PTPRM: variants seen among roughly 807,000 people sequenced by gnomAD.
The protein encoded by PTPRM is protein tyrosine phosphatase receptor type M.
A neutral mutation model predicts 186.7 loss-of-function variants in PTPRM; 47 were observed. The observed-to-expected ratio is 0.25, with a 90% CI of 0.20 to 0.32. The LOEUF (loss-of-function observed/expected upper bound fraction) is 0.32. PTPRM is among the 10% of genes least tolerant of loss of function. The probability of loss-of-function intolerance (pLI) is 1.00; values close to 1 mark genes in which losing one functional copy is unlikely to be tolerated. For synonymous variants in PTPRM, 668 were observed against 674.9 expected (o/e 0.99, Z 0.16); for missense variants, 1,494 against 1,865.0 (o/e 0.80, Z 3.66).
In PTPRM at chr18:8,289,551, C is replaced by CATATATATACACATATATATATACAT. The variant is rs2095010731; in HGVS notation, c.2755-6794_2755-6793insCATATATATATACACATATATATATA. 2.7e-4 allele frequency among the ~76,000 whole-genome samples: 21 copies of CATATATATACACATATATATATACAT among 77,716 alleles called. 1 individual carries two copies. The highest frequency in any genetic ancestry group is 9.8e-4 in the African/African-American group (12 of 12,226). The allele number at this position is 77,716 out of a possible 152,430, so 51.0% of individuals were successfully genotyped here. A position where few individuals can be genotyped will look rare whatever the true frequency, so the allele number is the denominator to read the frequency against. On this transcript the variant is annotated intron_variant, in intron 19 of 32. Transcript: ENST00000580170. ...ATATATATACACATATATATATATA[C>CATATATATACACATATATATATACAT]ATATATATACACATATATATATATA...
At chr18:8,287,457 T>G (rs2094969243) in intron 19 of PTPRM, among the ~76,000 whole-genome samples, 1 of 152,110 alleles carries the variant, frequency 6.6e-6, no homozygotes, top group South Asian at 2.1e-4. Context: ...CAGCTTACTC[T>G]GGGACAAGTT....
chr18:8,070,054 T>C, intron 8 of PTPRM, 60 bp downstream of exon 8: 2 of 1,445,708 alleles, frequency 1.4e-6, no homozygotes, highest in Non-Finnish European at 1.9e-6. Flanking sequence ...ACAACTTTTG[T>C]TTCGAGATCT....
At chr18:7,824,672 A>AGGAC (rs2045390771) in intron 2 of PTPRM, among the ~76,000 whole-genome samples, 1 of 152,206 alleles carries the variant, frequency 6.6e-6, no homozygotes, top group Non-Finnish European at 1.5e-5. Flanking sequence ...TACTAAGATT[A>AGGAC]AAAGCTTTGC....
At chr18:7,651,431 C>A (rs2144279239) in intron 1 of PTPRM, among the ~76,000 whole-genome samples, 1 of 152,242 alleles carries the variant, frequency 6.6e-6, no homozygotes, top group Non-Finnish European at 1.5e-5. Flanking sequence ...CAAAAAAGAG[C>A]CCGCATCGCC....
intron 19 of PTPRM, among the ~76,000 whole-genome samples, chr18:8,275,371 T>C (rs1018599618): frequency 1.3e-5 from 2 of 152,036 alleles, no homozygotes; most frequent in Admixed American, 1.3e-4. Flanking sequence ...TGGAGCCCAG[T>C]AGGTTGAGGC....
intron 2 of PTPRM, chr18:7,814,960 T>C (rs2044729574): frequency 6.6e-6 from 1 of 152,256 alleles, no homozygotes; most frequent in Admixed American, 6.5e-5. Flanking sequence ...TGAGTTCCTT[T>C]TTCAGGAAAC....
chr18:8,366,739 G>A (rs547367012), intron 23 of PTPRM: 3 of 152,396 alleles, frequency 2.0e-5, no homozygotes, highest in East Asian at 1.9e-4. Flanking sequence ...TGAGCAGGTG[G>A]CAGGGCTCGG....
chr18:7,773,906 C>A (rs1391726831), intron 1 of PTPRM, among the ~76,000 whole-genome samples: 1 of 152,098 alleles, frequency 6.6e-6, no homozygotes, highest in East Asian at 1.9e-4. Flanking sequence ...TGGCTTCTAC[C>A]AACATTAGAT....
At chr18:8,255,507 T>C (rs987998634) in intron 19 of PTPRM, among the ~76,000 whole-genome samples, 1 of 152,224 alleles carries the variant, frequency 6.6e-6, no homozygotes, top group African/African-American at 2.4e-5. Flanking sequence ...GTTCTCAAAA[T>C]AAAGTGTTGT....
chr18:8,114,255 AC>A (rs2091873577), intron 12 of PTPRM, among the ~76,000 whole-genome samples: 2 of 152,164 alleles, frequency 1.3e-5, no homozygotes, highest in Admixed American at 1.3e-4. Context: ...TGAGACGGAA[AC>A]AAAATAAAAA....
At chr18:8,204,132 T>C (rs905946315) in intron 14 of PTPRM, among the ~76,000 whole-genome samples, 7 of 152,154 alleles carry the variant, frequency 4.6e-5, no homozygotes, top group African/African-American at 1.4e-4. Flanking sequence ...ACTTTAGCTG[T>C]GTAGCTCTCT....
At chr18:7,743,347 ATATTCT>A (rs772115071) in intron 1 of PTPRM, among the ~76,000 whole-genome samples, 30 of 152,222 alleles carry the variant, frequency 2.0e-4, no homozygotes, top group African/African-American at 6.3e-4. Flanking sequence ...ATGAAAGTTA[ATATTCT>A]TATACTTATT....
At chr18:7,623,018 T>C (rs1439816757) in intron 1 of PTPRM, among the ~76,000 whole-genome samples, 1 of 152,200 alleles carries the variant, frequency 6.6e-6, no homozygotes, top group Non-Finnish European at 1.5e-5. Flanking sequence ...TCTGTGATTC[T>C]GGGCAGTCAA....
chr18:8,046,711 A>G (rs1055384183), intron 7 of PTPRM, among the ~76,000 whole-genome samples: 2 of 152,114 alleles, frequency 1.3e-5, no homozygotes, highest in African/African-American at 4.8e-5. Context: ...CCTTCCTCAC[A>G]AGAAGATCTA....
At chr18:7,732,857 G>A (rs770276906) in intron 1 of PTPRM, among the ~76,000 whole-genome samples, 6 of 152,090 alleles carry the variant, frequency 3.9e-5, no homozygotes, top group Admixed American at 3.3e-4. Context: ...AAGAATCCCT[G>A]TGTTTATTTG....
At position 7,888,146 on chromosome 18, in the gene PTPRM, G is replaced by T. The variant is rs754327190; in HGVS notation, c.237G>T (p.Gly79=). 4 of 1,613,992 alleles carry T rather than the reference G, an allele frequency of 2.5e-6. No individual in the cohort carries two copies. Among genetic ancestry groups the T allele is most frequent in the Non-Finnish European group, 3.4e-6 (4 of 1,180,018 alleles). The change falls in exon 3 of 33, where the codon GGG becomes GGT. Residue 79 remains glycine, a synonymous_variant. Coordinates refer to ENST00000580170, the MANE Select transcript of PTPRM (RefSeq NM_001105244.2). ...TGAATGCCTCTGGGAGACCTGAGGGGCAGAGAGCCCACCTGCTCTTACCCC... is the reference window on the plus strand; with the variant it reads ...TGAATGCCTCTGGGAGACCTGAGGGTCAGAGAGCCCACCTGCTCTTACCCC... ...MLVNASGRPE[G]QRAHLLLPQL... is the part of the protein sequence containing the mutation.
intron 1 of PTPRM, among the ~76,000 whole-genome samples, chr18:7,655,544 G>C (rs995750433): frequency 6.6e-6 from 1 of 152,192 alleles, no homozygotes; most frequent in African/African-American, 2.4e-5. Flanking sequence ...CAGCAATTCT[G>C]CTCCTAAGTT....
At chr18:7,791,591 C>G (rs1167282034) in intron 2 of PTPRM, among the ~76,000 whole-genome samples, 1 of 152,110 alleles carries the variant, frequency 6.6e-6, no homozygotes, top group Non-Finnish European at 1.5e-5. Flanking sequence ...TGGGCTAAGT[C>G]TGGAAGTGGA....
chr18:7,866,692 G>A (rs2047718521), intron 2 of PTPRM, among the ~76,000 whole-genome samples: 1 of 152,198 alleles, frequency 6.6e-6, no homozygotes, highest in African/African-American at 2.4e-5. Context: ...TTCTGTAAAT[G>A]TCTATTAGGT....
Sources: gnomAD v4.1 joint callset for allele counts (sites outside exome capture counted in the v4.1 genomes callset) on GRCh38, gnomAD v4.1.1 for gene constraint, MANE v1.5 for transcripts, NCBI Gene and HGNC (gene_info 2026-07-23, HGNC 2026-07-21) for gene names.